Variants in RUFY2 observed in about 807,000 individuals in gnomAD.
RUFY2 encodes RUN and FYVE domain containing 2.
A neutral mutation model predicts 94.4 loss-of-function variants in RUFY2; 49 were observed. That is an observed-to-expected ratio of 0.52 (90% CI 0.41 to 0.66). The LOEUF is 0.66. Ranked by LOEUF, RUFY2 falls within the 30% of genes least tolerant of loss-of-function variation. The probability of loss-of-function intolerance (pLI) is 0.00; values close to 1 mark genes in which losing one functional copy is unlikely to be tolerated. For missense variants in RUFY2, 541 were observed against 692.8 expected, an observed-to-expected ratio of 0.78 and a Z score of 2.46; for synonymous variants, 255 against 235.7, an observed-to-expected ratio of 1.08 and a Z score of -0.75.
intron 1 of RUFY2, 69 bp downstream of exon 1, chr10:68,407,116 AC>A: frequency 6.6e-7 from 1 of 1,509,068 alleles, no homozygotes; most frequent in East Asian, 2.6e-5. Context: ...CTCCCAGTCC[AC>A]CCCGCCTGGC....
At chr10:68,351,884 CTA>C (rs1213970921) in intron 16 of RUFY2, among the ~76,000 whole-genome samples, 1 of 151,320 alleles carries the variant, frequency 6.6e-6, no homozygotes, top group Non-Finnish European at 1.5e-5. Flanking sequence ...TGGTGAAACC[CTA>C]TCTCTACTAA....
intron 15 of RUFY2, among the ~76,000 whole-genome samples, chr10:68,358,192 AAAACAAAC>A (rs748900261): frequency 6.6e-6 from 1 of 152,158 alleles, no homozygotes; most frequent in African/African-American, 2.4e-5. Flanking sequence ...TTATCTCCAA[AAAACAAAC>A]AAACAAACAA....
chr10:68,399,988 C>T (rs1275029350), intron 3 of RUFY2, among the ~76,000 whole-genome samples: 1 of 151,696 alleles, frequency 6.6e-6, no homozygotes, highest in Non-Finnish European at 1.5e-5. Flanking sequence ...CCATTTTGGT[C>T]AGGCTGGTCT....
chr10:68,361,050 G>C (rs2047429227), intron 15 of RUFY2, among the ~76,000 whole-genome samples: 1 of 152,142 alleles, frequency 6.6e-6, no homozygotes, highest in Non-Finnish European at 1.5e-5. Flanking sequence ...TGGAGGCCAA[G>C]GCAGGCAGAT....
intron 13 of RUFY2, among the ~76,000 whole-genome samples, chr10:68,371,538 G>C (rs2048281436): frequency 6.6e-6 from 1 of 151,438 alleles, no homozygotes; most frequent in Non-Finnish European, 1.5e-5. Flanking sequence ...GTTGCAGAGA[G>C]CCGAGATCGC....
chr10:68,345,805 G>GC lies in RUFY2; in HGVS notation c.1783dup (p.Ala595GlyfsTer10). Reference sequence around the variant, plus strand: ...AGATGAGCATCTCTGAATGAGCAGTGCATGACAGGAATCACAAACCCGTAC... The same window carrying GC: ...AGATGAGCATCTCTGAATGAGCAGTGCCATGACAGGAATCACAAACCCGTAC... On this transcript the variant is annotated frameshift_variant, in exon 18 of 18. Coordinates refer to ENST00000602465, the MANE Select transcript of RUFY2 (RefSeq NM_001330103.2). LOFTEE classifies it high-confidence loss of function. The GC allele has an allele frequency of 6.2e-7, 1 of 1,613,850 alleles. No individual in the cohort carries two copies. The highest frequency in any genetic ancestry group is 8.5e-7 in the Non-Finnish European group (1 of 1,179,724).
At chr10:68,381,725 G>A (rs6415897) in intron 10 of RUFY2, among the ~76,000 whole-genome samples, 111,480 of 151,996 alleles carry the variant, frequency 0.73, 42,657 homozygotes, top group East Asian at 0.86. Flanking sequence ...GCACACGCCT[G>A]TAGTCCCAGC....
rs191099064 is a variant in RUFY2 at position 68,382,626 on chromosome 10, A to C, written c.939+1172T>G. ...CTACTCGGGAGGCTGAGGCAGGAGAATGGCGTGAACCTGGGAGGCAGAGCT... is the reference window on the plus strand; with the variant it reads ...CTACTCGGGAGGCTGAGGCAGGAGACTGGCGTGAACCTGGGAGGCAGAGCT... On this transcript the variant is annotated intron_variant, in intron 10 of 17. Coordinates refer to ENST00000602465, the MANE Select transcript of RUFY2 (RefSeq NM_001330103.2). Among the ~76,000 whole-genome samples the C allele has an allele frequency of 6.1e-3, 926 of 150,742 alleles. 17 individuals carry two copies. The highest frequency in any genetic ancestry group is 0.022 in the African/African-American group (891 of 41,222).
rs2046108713 is a variant in RUFY2, at chr10:68,343,733, AG to A, written c.*2034del. ...TACAGATTGTTAAAAGTCTTGTAAC[AG>A]AAAAATCCAAAGTTAGTATAGTTTT... is the stretch of plus-strand genomic sequence containing the variant. On this transcript the variant is annotated 3_prime_UTR_variant, in exon 18 of 18. Transcript: ENST00000602465. 1 of 152,004 alleles carries A rather than the reference AG, an allele frequency of 6.6e-6. No individual in the cohort carries two copies. The highest frequency in any genetic ancestry group is 1.5e-5 in the Non-Finnish European group (1 of 67,956). The allele number at this position is 152,004 out of a possible 1,614,324, so 9.4% of individuals were successfully genotyped here. A position where few individuals can be genotyped will look rare whatever the true frequency, so the allele number is the denominator to read the frequency against.
chr10:68,407,117 C>G (rs1220050800), intron 1 of RUFY2, 69 bp downstream of exon 1: 5 of 1,515,404 alleles, frequency 3.3e-6, no homozygotes, highest in African/African-American at 1.4e-5. Context: ...TCCCAGTCCA[C>G]CCCGCCTGGC....
In RUFY2 at chr10:68,387,606, C is replaced by T. The variant is rs1324385384; in HGVS notation, c.651-1478G>A. Among the ~76,000 whole-genome samples the T allele has an allele frequency of 2.0e-5, 3 of 152,138 alleles. No homozygotes were observed. In the South Asian group the frequency reaches 6.2e-4, roughly 32 times the overall value. ...TTAGGTAGACAACTTGAGTTTTTCACAAATAGCACCAGGATGTCCTGATGG... is the reference window on the plus strand; with the variant it reads ...TTAGGTAGACAACTTGAGTTTTTCATAAATAGCACCAGGATGTCCTGATGG... On this transcript the variant is annotated intron_variant, in intron 7 of 17. Coordinates refer to ENST00000602465, the MANE Select transcript of RUFY2 (RefSeq NM_001330103.2).
At chr10:68,356,680 T>C (rs2047075690) in intron 15 of RUFY2, among the ~76,000 whole-genome samples, 1 of 151,630 alleles carries the variant, frequency 6.6e-6, no homozygotes, top group Non-Finnish European at 1.5e-5. Flanking sequence ...CTTGAGTAGA[T>C]GGGATTAGAG....
intron 1 of RUFY2, 172 bp downstream of exon 1, chr10:68,407,014 G>C: frequency 6.7e-7 from 1 of 1,493,234 alleles, no homozygotes; most frequent in Non-Finnish European, 8.9e-7. Flanking sequence ...GCGTTGCCAT[G>C]ACGACCCCGG....
chr10:68,379,428 G>T lies in RUFY2; in HGVS notation c.1201C>A (p.Gln401Lys). 1 of 1,601,860 alleles carries T rather than the reference G, an allele frequency of 6.2e-7. No homozygotes were observed. The highest frequency in any genetic ancestry group is 8.5e-7 in the Non-Finnish European group (1 of 1,175,010). Residue 401 changes from glutamine (Q) to lysine (K), a missense_variant, in exon 12 of 18, where the codon CAA becomes AAA. By Grantham distance (53) the Gln-to-Lys change is moderately conservative. Transcript: ENST00000602465. ...CTAAGACTGGAAATGCTGTACCTTT[G>T]TTCCAGCTGCCTCATGGCTGCAGTA... ...KITAAMRQLEQRLQQAEKAQM... is the reference protein window; with the variant it reads ...KITAAMRQLEKRLQQAEKAQM...
intron 4 of RUFY2, 56 bp downstream of exon 4, chr10:68,396,724 A>T: frequency 9.0e-7 from 1 of 1,115,498 alleles, no homozygotes; most frequent in Non-Finnish European, 1.3e-6. Context: ...TCCTTTTTGG[A>T]AGACAGCATA....
At chr10:68,380,627 C>T (rs775185419) in intron 11 of RUFY2, among the ~76,000 whole-genome samples, 4 of 151,946 alleles carry the variant, frequency 2.6e-5, no homozygotes, top group Admixed American at 6.6e-5. Context: ...TTTGGGAGGC[C>T]GAGGTGGGCG....
chr10:68,366,857 A>AATAT (rs2047883049), intron 13 of RUFY2, among the ~76,000 whole-genome samples: 2 of 139,384 alleles, frequency 1.4e-5, no homozygotes, highest in Non-Finnish European at 3.1e-5. Context: ...TAAATAAATA[A>AATAT]ATATATTAAA....
chr10:68,350,763 A>G (rs1468185132), intron 16 of RUFY2, among the ~76,000 whole-genome samples: 1 of 151,424 alleles, frequency 6.6e-6, no homozygotes, highest in Non-Finnish European at 1.5e-5. Flanking sequence ...GCCAGGCTGG[A>G]GTGCAATGGC....
At chr10:68,367,438 T>C (rs1319522534) in intron 13 of RUFY2, among the ~76,000 whole-genome samples, 2 of 152,064 alleles carry the variant, frequency 1.3e-5, no homozygotes, top group Non-Finnish European at 1.5e-5. Flanking sequence ...TTTTTCTGAA[T>C]GTTTTGGGGT....
Sources: allele counts gnomAD v4.1 joint callset (sites outside exome capture counted in the v4.1 genomes callset), GRCh38; gene constraint gnomAD v4.1.1; transcripts MANE v1.5; gene names NCBI Gene and HGNC (gene_info 2026-07-23, HGNC 2026-07-21).